PHLPP1: variants seen among roughly 807,000 people sequenced by gnomAD.
PHLPP1 encodes PH domain and leucine rich repeat protein phosphatase 1, also known as PH domain leucine-rich repeat-containing protein phosphatase 1.
In PHLPP1, 42 loss-of-function variants were observed where a neutral mutation model predicts 117.2. The ratio of observed to expected loss-of-function variants is 0.36; its 90% CI spans 0.28 to 0.46. The LOEUF (loss-of-function observed/expected upper bound fraction) is 0.46. PHLPP1 is among the 20% of genes least tolerant of loss of function. The pLI is 1.00. For missense variants in PHLPP1, 2,084 were observed against 2,241.9 expected (o/e 0.93, Z 1.42); for synonymous variants, 1,042 against 970.7 (o/e 1.07, Z -1.37).
intron 1 of PHLPP1, among the ~76,000 whole-genome samples, chr18:62,823,752 A>G (rs907488706): frequency 6.6e-6 from 1 of 152,120 alleles, no homozygotes; most frequent in Non-Finnish European, 1.5e-5. Context: ...CGGATCACAA[A>G]CTTGCGAGAA....
chr18:62,896,707 T>A (rs1299200911), intron 6 of PHLPP1, among the ~76,000 whole-genome samples: 3 of 151,968 alleles, frequency 2.0e-5, no homozygotes, highest in Non-Finnish European at 4.4e-5. Flanking sequence ...TCAGGTGATC[T>A]TCCTGCCTCA....
At chr18:62,777,459 ATATTT>A (rs1912994840) in intron 1 of PHLPP1, among the ~76,000 whole-genome samples, 1 of 150,922 alleles carries the variant, frequency 6.6e-6, no homozygotes, top group Non-Finnish European at 1.5e-5. Context: ...GTATTGAAAA[ATATTT>A]TATCCTATTC....
chr18:62,884,818 T>G (rs1003670905), intron 4 of PHLPP1, among the ~76,000 whole-genome samples: 2 of 152,240 alleles, frequency 1.3e-5, no homozygotes, highest in South Asian at 4.1e-4. Flanking sequence ...TGGGTGTTAC[T>G]TGTGACACCC....
At chr18:62,945,353 G>A in intron 12 of PHLPP1, 82 bp downstream of exon 12, 1 of 1,176,090 alleles carries the variant, frequency 8.5e-7, no homozygotes. Context: ...CAGGACGTTT[G>A]CATCTTTGTT....
In PHLPP1 at chr18:62,830,200, A is replaced by C; in HGVS notation, c.1742A>C (p.Lys581Thr). The change falls in exon 2 of 17, where the codon AAG becomes ACG. Residue 581 changes from lysine to threonine, a missense_variant. Lys to Thr is a moderately conservative substitution (Grantham distance 78). This residue lies in a region of PHLPP1 where 1,365 missense variants were observed against 1,605.9 expected (regional missense o/e 0.85). Transcript: ENST00000262719. Reference sequence around the variant, plus strand: ...TCTGTGAAAGACAGCTTGACCGGAAAGATGCATGTTCTGCCACTAATTGGT... The same window carrying C: ...TCTGTGAAAGACAGCTTGACCGGAACGATGCATGTTCTGCCACTAATTGGT... The part of the protein sequence containing the change: ...VSSVKDSLTG[K>T]MHVLPLIGGK... 5.1e-6 allele frequency: 8 copies of C among 1,569,206 alleles called. No homozygotes were observed. Among genetic ancestry groups the C allele is most frequent in the Non-Finnish European group, 6.9e-6 (8 of 1,156,342 alleles).
intron 1 of PHLPP1, among the ~76,000 whole-genome samples, chr18:62,743,106 G>T (rs912410268): frequency 1.3e-5 from 2 of 152,032 alleles, no homozygotes; most frequent in African/African-American, 4.8e-5. Flanking sequence ...AACAAGAGAG[G>T]TCCCAGGGTT....
intron 14 of PHLPP1, among the ~76,000 whole-genome samples, chr18:62,965,901 C>T (rs1029297721): frequency 6.7e-6 from 1 of 150,208 alleles, no homozygotes; most frequent in African/African-American, 2.4e-5. Flanking sequence ...TTTCATACTA[C>T]CTCATTCCAA....
chr18:62,940,879 C>T (rs971267279), intron 10 of PHLPP1, among the ~76,000 whole-genome samples: 1 of 152,182 alleles, frequency 6.6e-6, no homozygotes, highest in Non-Finnish European at 1.5e-5. Context: ...AAACGTTACA[C>T]GCCGTCTCCT....
chr18:62,894,290 G>A (rs1916499054), intron 4 of PHLPP1, among the ~76,000 whole-genome samples: 4 of 152,160 alleles, frequency 2.6e-5, no homozygotes, highest in Non-Finnish European at 2.9e-5. Context: ...CCACCTCCCA[G>A]GTTCAAGTGA....
rs546785471 is a variant in PHLPP1 at position 62,863,454 on chromosome 18, C to T, written c.2066+2853C>T. On this transcript the variant is annotated intron_variant, in intron 4 of 16. Transcript: ENST00000262719. Reference sequence around the variant, plus strand: ...TTGGACTCAAGTGATCCACCCACCTCGGCCTCCCAAAGTGCTGGGATTACA... The same window carrying T: ...TTGGACTCAAGTGATCCACCCACCTTGGCCTCCCAAAGTGCTGGGATTACA... Among the ~76,000 whole-genome samples the T allele has an allele frequency of 1.8e-4, 28 of 152,270 alleles. No individual in the cohort carries two copies. The South Asian group carries it at 5.0e-3, about 27-fold the overall frequency.
intron 1 of PHLPP1, chr18:62,824,179 C>G: frequency 2.2e-6 from 1 of 455,762 alleles, no homozygotes; most frequent in South Asian, 1.5e-5. Context: ...ATCGGGAACT[C>G]TCTGCACTGG....
intron 1 of PHLPP1, among the ~76,000 whole-genome samples, chr18:62,749,557 C>T (rs1054164367): frequency 1.3e-5 from 2 of 152,166 alleles, no homozygotes; most frequent in African/African-American, 4.8e-5. Context: ...TCGTTTTCTC[C>T]ACAGTCTGGA....
rs1373807746 is a variant in PHLPP1, at chr18:62,860,560, C to A, written c.2025C>A (p.Asn675Lys). The change falls in exon 4 of 17, where the codon AAC (asparagine) becomes AAA (lysine). Residue 675 changes from asparagine to lysine, a missense_variant. Transcript: ENST00000262719. ...LNLKQNFLRQ[N>K]PSLPAARGLN... ...TAAAACAAAACTTCCTAAGGCAGAA[C>A]CCTAGCCTTCCAGCTGCCAGGGGGC... 1.9e-6 allele frequency: 3 copies of A among 1,613,542 alleles called. No individual in the cohort carries two copies. The South Asian group carries it at 3.3e-5, about 18-fold the overall frequency.
At chr18:62,723,858 A>G (rs1910992240) in intron 1 of PHLPP1, among the ~76,000 whole-genome samples, 1 of 152,146 alleles carries the variant, frequency 6.6e-6, no homozygotes, top group Admixed American at 6.5e-5. Context: ...TGATTTCCTC[A>G]TTTGTAAGAC....
In PHLPP1 at chr18:62,834,257, A is replaced by G. The variant is rs79852595; in HGVS notation, c.1773+4026A>G. Among the ~76,000 whole-genome samples the G allele has an allele frequency of 5.2e-3, 788 of 152,030 alleles. 44 individuals are homozygous for G. In the South Asian group the frequency reaches 0.12, roughly 24 times the overall value. On this transcript the variant is annotated intron_variant, in intron 2 of 16. Transcript: ENST00000262719. ...GTATGTTTGGATGCAGAAGTGACACATGCCACTTCTCTCTGTGGCTCATTG... is the reference window on the plus strand; with the variant it reads ...GTATGTTTGGATGCAGAAGTGACACGTGCCACTTCTCTCTGTGGCTCATTG...
intron 8 of PHLPP1, among the ~76,000 whole-genome samples, chr18:62,913,084 G>T (rs146241327): frequency 6.6e-6 from 1 of 152,046 alleles, no homozygotes; most frequent in Non-Finnish European, 1.5e-5. Context: ...ATCTTCCTGT[G>T]GCCACTCTCA....
chr18:62,783,741 C>T (rs1004256490), intron 1 of PHLPP1, among the ~76,000 whole-genome samples: 4 of 151,654 alleles, frequency 2.6e-5, no homozygotes, highest in African/African-American at 9.7e-5. Flanking sequence ...TGGAATACAG[C>T]CTAATAACTT....
Position 62,950,022 on chromosome 18 carries a change from G to A in PHLPP1, c.3324+4751G>A, listed in dbSNP as rs144027800. On this transcript the variant is annotated intron_variant, in intron 12 of 16. Coordinates refer to ENST00000262719, the MANE Select transcript of PHLPP1 (RefSeq NM_194449.4). ...TTCTCTGTCACCCAGGCTGGAGCCAGGTGTTCTAACCCGTTTTTGAAGTGT... is the reference window on the plus strand; with the variant it reads ...TTCTCTGTCACCCAGGCTGGAGCCAAGTGTTCTAACCCGTTTTTGAAGTGT... 9.2e-3 allele frequency among the ~76,000 whole-genome samples: 1,395 copies of A among 152,270 alleles called. 10 individuals are homozygous for A. The highest frequency in any genetic ancestry group is 0.014 in the Non-Finnish European group (958 of 68,012).
intron 4 of PHLPP1, among the ~76,000 whole-genome samples, chr18:62,876,354 C>A (rs1568146945): frequency 6.6e-6 from 1 of 152,226 alleles, no homozygotes; most frequent in Non-Finnish European, 1.5e-5. Flanking sequence ...CTAGCGACTC[C>A]TACCCCACCC....
Sources: allele counts gnomAD v4.1 joint callset (sites outside exome capture counted in the v4.1 genomes callset), GRCh38; gene constraint gnomAD v4.1.1; regional missense constraint gnomAD v4.1.1; transcripts MANE v1.5; gene names NCBI Gene and HGNC (gene_info 2026-07-23, HGNC 2026-07-21).